The following VMP1 variants were observed in gnomAD, a reference collection of about 807,000 sequenced individuals.
VMP1 encodes the protein vacuole membrane protein 1.
A neutral mutation model predicts 56.0 loss-of-function variants in VMP1; 11 were observed. That is an observed-to-expected ratio of 0.20 (90% confidence interval 0.12 to 0.32). VMP1 has a LOEUF of 0.32. Ranked by LOEUF, VMP1 falls within the 10% of genes least tolerant of loss-of-function variation. VMP1 has a pLI of 1.00. For synonymous variants in VMP1, 149 were observed against 165.0 expected (o/e 0.90, Z 0.74); for missense variants, 296 against 490.3 (o/e 0.60, Z 3.74).
intron 4 of VMP1, among the ~76,000 whole-genome samples, 160 bp from the exon 5 acceptor site, chr17:59,738,677 T>C (rs1191220141): frequency 6.6e-6 from 1 of 152,194 alleles, no homozygotes; most frequent in East Asian, 1.9e-4. Flanking sequence ...ATCTTTGCCA[T>C]TGTGTATTAA....
intron 1 of VMP1, among the ~76,000 whole-genome samples, chr17:59,726,373 G>A (rs946858762): frequency 5.3e-5 from 8 of 150,698 alleles, no homozygotes; most frequent in African/African-American, 1.5e-4. Flanking sequence ...GGCTCCCTGC[G>A]ACCTCCACCT....
intron 7 of VMP1, among the ~76,000 whole-genome samples, chr17:59,796,973 C>T (rs1308929156): frequency 6.6e-6 from 1 of 152,102 alleles, no homozygotes; most frequent in Admixed American, 6.6e-5. Flanking sequence ...AAGACATGTA[C>T]AAGAATGTTC....
chr17:59,742,602 A>C (rs2035267983), intron 5 of VMP1, among the ~76,000 whole-genome samples: 1 of 151,924 alleles, frequency 6.6e-6, no homozygotes, highest in South Asian at 2.1e-4. Flanking sequence ...AAAATTGAGC[A>C]GAAAAGACAG....
intron 7 of VMP1, among the ~76,000 whole-genome samples, chr17:59,803,987 G>T (rs988134360): frequency 1.3e-5 from 2 of 151,752 alleles, no homozygotes; most frequent in African/African-American, 2.4e-5. Context: ...GTGGTGTTAG[G>T]TGTGTGAGTA....
chr17:59,775,236 G>C (rs541899168), intron 7 of VMP1, among the ~76,000 whole-genome samples: 19 of 146,918 alleles, frequency 1.3e-4, no homozygotes, highest in Admixed American at 5.4e-4. Flanking sequence ...GAGCCACCAC[G>C]CCCGGCCTAC....
chr17:59,731,548 G>A, intron 2 of VMP1, 26 bp downstream of exon 2: 1 of 1,530,276 alleles, frequency 6.5e-7, no homozygotes, highest in Non-Finnish European at 8.8e-7. Flanking sequence ...TTGCAGGGAG[G>A]AGTGCTATGG....
intron 9 of VMP1, 44 bp downstream of exon 9, chr17:59,811,830 T>A: frequency 7.6e-7 from 1 of 1,308,786 alleles, no homozygotes; most frequent in Non-Finnish European, 1.1e-6. Flanking sequence ...GATGAACCCA[T>A]TACAAGACAA....
chr17:59,735,625 T>TCAACC, intron 3 of VMP1, 152 bp downstream of exon 3: 1 of 834,132 alleles, frequency 1.2e-6, no homozygotes, highest in South Asian at 2.2e-5. Context: ...TCTCCTTTCT[T>TCAACC]TAGGTTGAAG....
intron 3 of VMP1, among the ~76,000 whole-genome samples, chr17:59,736,605 A>G (rs1372653605): frequency 4.8e-5 from 7 of 146,018 alleles, no homozygotes; most frequent in South Asian, 2.2e-4. Context: ...TTAGCCGGGC[A>G]TGGTGGCGTG....
At chr17:59,737,713 G>C (rs1396340923) in intron 4 of VMP1, among the ~76,000 whole-genome samples, 170 bp downstream of exon 4, 1 of 151,814 alleles carries the variant, frequency 6.6e-6, no homozygotes, top group Non-Finnish European at 1.5e-5. Flanking sequence ...ATATTCTTGT[G>C]ATGTTTTATG....
intron 5 of VMP1, among the ~76,000 whole-genome samples, chr17:59,742,779 A>G (rs2035275799): frequency 6.6e-6 from 1 of 152,072 alleles, no homozygotes; most frequent in Non-Finnish European, 1.5e-5. Flanking sequence ...TTACTGCCTG[A>G]GCTCTACCTC....
intron 7 of VMP1, among the ~76,000 whole-genome samples, chr17:59,775,601 C>T (rs772760140): frequency 1.2e-4 from 18 of 152,152 alleles, no homozygotes; most frequent in African/African-American, 3.1e-4. Flanking sequence ...GGATTATAGG[C>T]GTGAGCCACC....
At chr17:59,811,389 C>G (rs1335374075) in intron 8 of VMP1, among the ~76,000 whole-genome samples, 1 of 152,196 alleles carries the variant, frequency 6.6e-6, no homozygotes, top group African/African-American at 2.4e-5. Flanking sequence ...GGCACACACA[C>G]AAACACACAC....
intron 6 of VMP1, among the ~76,000 whole-genome samples, chr17:59,769,568 A>T (rs1221255435): frequency 6.6e-6 from 1 of 152,178 alleles, no homozygotes; most frequent in African/African-American, 2.4e-5. Flanking sequence ...TAAAATTAGC[A>T]CTCCAAGAAG....
At chr17:59,786,615 A>T (rs960192758) in intron 7 of VMP1, among the ~76,000 whole-genome samples, 1 of 152,176 alleles carries the variant, frequency 6.6e-6, no homozygotes, top group Non-Finnish European at 1.5e-5. Context: ...TGGCCATCAC[A>T]TGACTTCTCT....
At chr17:59,782,174 T>G (rs755278606) in intron 7 of VMP1, among the ~76,000 whole-genome samples, 6 of 152,110 alleles carry the variant, frequency 3.9e-5, no homozygotes, top group Admixed American at 1.3e-4. Flanking sequence ...CTCCCAAAGT[T>G]CTGGAATTAC....
chr17:59,815,891 A>G (rs909057243), intron 9 of VMP1, among the ~76,000 whole-genome samples: 7 of 150,530 alleles, frequency 4.7e-5, no homozygotes, highest in South Asian at 2.1e-4. Context: ...CTTCTTTCCA[A>G]TGAAGGACTT....
chr17:59,741,270 A>G (rs2035215430), intron 5 of VMP1, among the ~76,000 whole-genome samples: 1 of 152,188 alleles, frequency 6.6e-6, no homozygotes, highest in Non-Finnish European at 1.5e-5. Flanking sequence ...TGAATATATA[A>G]TCCTGGCTAT....
At chr17:59,801,112 ATGTGTG>A (rs71145573) in intron 7 of VMP1, among the ~76,000 whole-genome samples, 3,394 of 110,312 alleles carry the variant, frequency 0.031, 332 homozygotes, top group African/African-American at 0.14. Flanking sequence ...ATATATATAT[ATGTGTG>A]TGTGTGTGTG....
Sources: gnomAD v4.1 joint callset for allele counts (sites outside exome capture counted in the v4.1 genomes callset) on GRCh38, gnomAD v4.1.1 for gene constraint, MANE v1.5 for transcripts, NCBI Gene and HGNC (gene_info 2026-07-23, HGNC 2026-07-21) for gene names.